CUBN: variants seen among roughly 807,000 people sequenced by gnomAD.
The protein encoded by CUBN is cubilin, also known as 460 kDa receptor.
In CUBN, 282 loss-of-function variants were observed where a neutral mutation model predicts 405.3. The observed-to-expected ratio is 0.70, with a 90% confidence interval of 0.63 to 0.77. CUBN has a LOEUF of 0.77. Ranked by LOEUF, CUBN falls within the 30% of genes least tolerant of loss-of-function variation. The pLI is 0.00. For synonymous variants in CUBN, 1,684 were observed against 1,617.0 expected (o/e 1.04, Z -0.99); for missense variants, 4,514 against 4,475.2 (o/e 1.01, Z -0.25).
intron 7 of CUBN, 98 bp from the exon 8 acceptor site, chr10:17,114,287 C>G: frequency 8.1e-7 from 1 of 1,235,516 alleles, no homozygotes; most frequent in Non-Finnish European, 1.2e-6. Context: ...TATCCTCTAA[C>G]GTTCATTTCC....
At chr10:16,917,556 G>A (rs1001694901) in intron 45 of CUBN, among the ~76,000 whole-genome samples, 1 of 152,096 alleles carries the variant, frequency 6.6e-6, no homozygotes, top group African/African-American at 2.4e-5. Flanking sequence ...TTTACCAAGG[G>A]CATTGAAACC....
At chr10:16,968,413 T>C (rs1034050761) in intron 31 of CUBN, among the ~76,000 whole-genome samples, 1 of 152,120 alleles carries the variant, frequency 6.6e-6, no homozygotes, top group Non-Finnish European at 1.5e-5. Flanking sequence ...TCATATTGCT[T>C]TTGCTTTTGC....
At chr10:17,069,462 G>T (rs1192614705) in intron 19 of CUBN, among the ~76,000 whole-genome samples, 4 of 149,908 alleles carry the variant, frequency 2.7e-5, no homozygotes, top group African/African-American at 9.7e-5. Flanking sequence ...GTGTATAAAG[G>T]TTCCAATTTC....
chr10:16,959,695 G>T (rs1843164198), intron 31 of CUBN, among the ~76,000 whole-genome samples: 1 of 150,758 alleles, frequency 6.6e-6, no homozygotes, highest in African/African-American at 2.4e-5. Context: ...CACAAGAAAA[G>T]CACTTCAAGG....
chr10:17,101,534 C>T (rs980177303), intron 13 of CUBN, among the ~76,000 whole-genome samples: 52 of 152,086 alleles, frequency 3.4e-4, no homozygotes, highest in African/African-American at 1.2e-3. Flanking sequence ...TGTACAATGC[C>T]CTCTGTAATA....
chr10:16,853,016 T>C (rs1278154066), intron 59 of CUBN, among the ~76,000 whole-genome samples: 1 of 152,112 alleles, frequency 6.6e-6, no homozygotes, highest in East Asian at 1.9e-4. Flanking sequence ...AATTTTATAA[T>C]TCAGAATAAA....
At chr10:16,968,852 C>T (rs1007348421) in intron 31 of CUBN, among the ~76,000 whole-genome samples, 1 of 152,216 alleles carries the variant, frequency 6.6e-6, no homozygotes, top group Non-Finnish European at 1.5e-5. Flanking sequence ...GCTTCCTTAG[C>T]AAGAAATGCT....
Position 16,915,311 on chromosome 10 carries a change from C to T in CUBN, c.7211-139G>A, listed in dbSNP as rs948158891. 1.5e-5 allele frequency: 15 copies of T among 1,014,734 alleles called. No homozygotes were observed. In the African/African-American group the frequency reaches 2.4e-4, roughly 17 times the overall value. 62.9% of individuals were successfully genotyped at this position (1,014,734 alleles called of 1,614,324 possible). ...GAAGAAACGTTAATCTCTGTCAAGA[C>T]AACAGGAAAACATGAATAAAAATGA... On this transcript the variant is annotated intron_variant, in intron 46 of 66. Coordinates refer to ENST00000377833, the MANE Select transcript of CUBN (RefSeq NM_001081.4).
Position 17,068,648 on chromosome 10 carries a change from A to G in CUBN, c.2748T>C (p.Thr916=). The G allele has an allele frequency of 6.2e-7, 1 of 1,613,442 alleles. No homozygotes were observed. The highest frequency in any genetic ancestry group is 1.7e-4 in the Middle Eastern group (1 of 6,052). Reference sequence around the variant, plus strand: ...ACTTAGCCATGAAACCATGGTTTTCAGTAGAAGAACTTTTCACGAATGTGA... The same window carrying G: ...ACTTAGCCATGAAACCATGGTTTTCGGTAGAAGAACTTTTCACGAATGTGA... ...LYVTFVKSSS[T]ENHGFMAKFS... The change falls in exon 20 of 67, where the codon ACT becomes ACC. Residue 916 remains threonine, a synonymous_variant. Transcript: ENST00000377833.
chr10:17,106,390 T>A (rs926883198), intron 10 of CUBN, among the ~76,000 whole-genome samples: 24 of 151,294 alleles, frequency 1.6e-4, no homozygotes, highest in African/African-American at 5.8e-4. Context: ...TCACCTGAGG[T>A]CAGGAGTTTG....
intron 31 of CUBN, chr10:16,966,068 C>G (rs142028984): frequency 1.1e-4 from 50 of 456,322 alleles, no homozygotes; most frequent in African/African-American, 9.3e-4. Flanking sequence ...TTCACGGTCT[C>G]CAAGAAAGAA....
chr10:16,842,486 C>T (rs962410976), intron 60 of CUBN, among the ~76,000 whole-genome samples: 4 of 152,150 alleles, frequency 2.6e-5, no homozygotes, highest in African/African-American at 9.7e-5. Flanking sequence ...ATGTTTCAAG[C>T]CTACAACTTT....
At chr10:17,059,384 G>A (rs1835457343) in intron 22 of CUBN, among the ~76,000 whole-genome samples, 1 of 152,132 alleles carries the variant, frequency 6.6e-6, no homozygotes, top group Non-Finnish European at 1.5e-5. Flanking sequence ...TGATCCTCTG[G>A]AGAGAGGAAT....
intron 4 of CUBN, among the ~76,000 whole-genome samples, chr10:17,124,630 G>T (rs889086696): frequency 6.6e-6 from 1 of 151,598 alleles, no homozygotes; most frequent in African/African-American, 2.4e-5. Context: ...GGGTTTCACC[G>T]TGTTAGCCAG....
In CUBN at chr10:16,851,379, A is replaced by G; in HGVS notation, c.9519T>C (p.Ser3173=). 1 of 1,614,170 alleles carries G rather than the reference A, an allele frequency of 6.2e-7. No individual in the cohort carries two copies. Among genetic ancestry groups the G allele is most frequent in the Non-Finnish European group, 8.5e-7 (1 of 1,180,016 alleles). ...GSNNTFASPD[S]DSNGMYDKNL... is the part of the protein sequence containing the mutation. The stretch of plus-strand genomic sequence containing the variant: ...TCTTGTCATACATTCCATTCGAATC[A>G]GAATCAGGAGAGGCAAAGGTATTAT... Residue 3173 remains serine, a synonymous_variant, in exon 60 of 67, where the codon TCT becomes TCC. Transcript: ENST00000377833.
rs558838322 is a variant in CUBN, at chr10:17,049,314, C to A, written c.3140-1711G>T. Among the ~76,000 whole-genome samples, 10 of 152,338 alleles carry A rather than the reference C, an allele frequency of 6.6e-5. No homozygotes were observed. In the South Asian group the frequency reaches 2.1e-3, roughly 32 times the overall value. On this transcript the variant is annotated intron_variant, in intron 22 of 66. Transcript: ENST00000377833. ...CAGAACAGACAGACTCATTGACCCACACACAGAGAGCTTTGGCCAGTAAAT... is the reference window on the plus strand; with the variant it reads ...CAGAACAGACAGACTCATTGACCCAAACACAGAGAGCTTTGGCCAGTAAAT...
chr10:16,983,978 A>G (rs1006416805), intron 30 of CUBN, 127 bp downstream of exon 30: 3 of 1,008,110 alleles, frequency 3.0e-6, no homozygotes, highest in African/African-American at 1.6e-5. Flanking sequence ...GTCAGGTCTC[A>G]GTAGGCTGCC....
chr10:16,911,534 A>G (rs368496929), intron 48 of CUBN, among the ~76,000 whole-genome samples: 8 of 152,226 alleles, frequency 5.3e-5, no homozygotes, highest in African/African-American at 1.9e-4. Context: ...TGCAAGAGTT[A>G]TAAGTTGATA....
At position 17,060,169 on chromosome 10, in the gene CUBN, T is replaced by C. The variant is rs1415015713; in HGVS notation, c.3139+5339A>G. Among the ~76,000 whole-genome samples, 3 of 152,090 alleles carry C rather than the reference T, an allele frequency of 2.0e-5. No individual in the cohort carries two copies. In the East Asian group the frequency reaches 5.8e-4, roughly 29 times the overall value. ...GGAGTTTCGCTCTTGTTGCCCAGGC[T>C]GGAGTGCAGTGGTGCGATTTTCTCT... On this transcript the variant is annotated intron_variant, in intron 22 of 66. Transcript: ENST00000377833.
Sources: allele counts gnomAD v4.1 joint callset (sites outside exome capture counted in the v4.1 genomes callset), GRCh38; gene constraint gnomAD v4.1.1; transcripts MANE v1.5; gene names NCBI Gene and HGNC (gene_info 2026-07-23, HGNC 2026-07-21).